Variants in CACNA1C observed in about 807,000 individuals in gnomAD.
CACNA1C encodes the protein calcium voltage-gated channel subunit alpha1 C.
A neutral mutation model predicts 229.0 loss-of-function variants in CACNA1C; 30 were observed. The ratio of observed to expected loss-of-function variants is 0.13; its 90% confidence interval spans 0.10 to 0.18. The LOEUF (loss-of-function observed/expected upper bound fraction) is 0.18, where lower values mean the gene tolerates loss of function less well. Among genes scored for constraint, CACNA1C ranks in the 10% least tolerant of loss-of-function variants. The pLI, the probability that CACNA1C is intolerant of heterozygous loss-of-function variation, is 1.00. For missense variants in CACNA1C, 1,658 were observed against 2,845.0 expected (o/e 0.58, Z 9.49); for synonymous variants, 1,114 against 1,132.5 (o/e 0.98, Z 0.33).
intron 9 of CACNA1C, chr12:2,547,510 C>T: frequency 1.3e-6 from 1 of 779,738 alleles, no homozygotes; most frequent in Non-Finnish European, 2.4e-6. Context: ...TTTAGTCACT[C>T]CACAGAAACC....
intron 3 of CACNA1C, among the ~76,000 whole-genome samples, chr12:2,372,809 C>T (rs2097907125): frequency 2.0e-5 from 3 of 152,250 alleles, no homozygotes; most frequent in Admixed American, 2.0e-4. Flanking sequence ...GGTGAGAAGT[C>T]CTGTCAGCCT....
intron 3 of CACNA1C, among the ~76,000 whole-genome samples, chr12:2,398,292 A>G (rs1217837996): frequency 6.6e-6 from 1 of 152,250 alleles, no homozygotes; most frequent in African/African-American, 2.4e-5. Flanking sequence ...CTACCAGGCC[A>G]AGAAAATTGT....
At chr12:2,174,204 G>C (rs7973315) in intron 3 of CACNA1C, among the ~76,000 whole-genome samples, 1 of 152,086 alleles carries the variant, frequency 6.6e-6, no homozygotes, top group East Asian at 1.9e-4. Context: ...AGGGCTCTCA[G>C]GCAAGAGAGA....
At chr12:2,004,292 G>T in intron 1 of CACNA1C, 1 of 1,613,156 alleles carries the variant, frequency 6.2e-7, no homozygotes. Flanking sequence ...CCACTCGTTG[G>T]CCCGATGGCC....
At chr12:2,480,554 C>T (rs930130335) in intron 5 of CACNA1C, among the ~76,000 whole-genome samples, 7 of 152,212 alleles carry the variant, frequency 4.6e-5, no homozygotes, top group Admixed American at 1.3e-4. Flanking sequence ...AAGCATGGCT[C>T]ATGGCCTGTA....
intron 1 of CACNA1C, among the ~76,000 whole-genome samples, chr12:1,978,138 C>T (rs2035004295): frequency 2.6e-5 from 4 of 152,140 alleles, no homozygotes; most frequent in Admixed American, 2.0e-4. Flanking sequence ...AATCTTGCTT[C>T]TCTGACCATG....
chr12:2,404,503 C>T (rs888913000), intron 3 of CACNA1C, among the ~76,000 whole-genome samples: 2 of 152,086 alleles, frequency 1.3e-5, no homozygotes, highest in Admixed American at 6.5e-5. Flanking sequence ...GACATTCAAC[C>T]GTATACAATC....
At chr12:2,125,996 C>T (rs2089864708) in intron 3 of CACNA1C, among the ~76,000 whole-genome samples, 2 of 152,272 alleles carry the variant, frequency 1.3e-5, no homozygotes, top group Non-Finnish European at 2.9e-5. Context: ...CTCCTGCTCT[C>T]AGATTCCCTC....
intron 1 of CACNA1C, among the ~76,000 whole-genome samples, chr12:2,045,503 C>T (rs955021857): frequency 3.3e-4 from 50 of 152,152 alleles, no homozygotes; most frequent in African/African-American, 1.2e-3. Context: ...ATTAAATAGC[C>T]GAGGGTGATT....
intron 3 of CACNA1C, among the ~76,000 whole-genome samples, chr12:2,364,616 C>T (rs2097674145): frequency 6.6e-6 from 1 of 152,176 alleles, no homozygotes; most frequent in African/African-American, 2.4e-5. Flanking sequence ...ACACTCTTGC[C>T]ATGGGCTGCT....
chr12:2,116,371 C>CTTT (rs869196313), intron 2 of CACNA1C, among the ~76,000 whole-genome samples: 1 of 136,812 alleles, frequency 7.3e-6, no homozygotes, highest in Non-Finnish European at 1.6e-5. Flanking sequence ...TTGGGAAGGA[C>CTTT]TTTTTTTTTT....
intron 18 of CACNA1C, among the ~76,000 whole-genome samples, chr12:2,587,604 T>TAA (rs936229743): frequency 2.0e-5 from 3 of 151,008 alleles, no homozygotes; most frequent in African/African-American, 7.3e-5. Flanking sequence ...ATGTTAATTT[T>TAA]AAAAAAAAAG....
At chr12:2,318,916 G>A (rs1408777222) in intron 3 of CACNA1C, among the ~76,000 whole-genome samples, 2 of 151,634 alleles carry the variant, frequency 1.3e-5, no homozygotes, top group East Asian at 3.9e-4. Flanking sequence ...AGAAGGAGAG[G>A]GAGGAGAGCA....
At chr12:2,172,879 G>A (rs1344772644) in intron 3 of CACNA1C, among the ~76,000 whole-genome samples, 1 of 152,254 alleles carries the variant, frequency 6.6e-6, no homozygotes, top group African/African-American at 2.4e-5. Context: ...AGACTGGCCA[G>A]CCTTGGCTGG....
intron 3 of CACNA1C, among the ~76,000 whole-genome samples, chr12:2,411,193 G>A (rs1427071954): frequency 6.6e-6 from 1 of 152,066 alleles, no homozygotes; most frequent in Admixed American, 6.5e-5. Context: ...CTCACCACTC[G>A]AGCGGGGAAG....
In CACNA1C at chr12:2,152,567, G is replaced by A. The variant is rs1419716885; in HGVS notation, c.477+32137G>A. Among the ~76,000 whole-genome samples the A allele has an allele frequency of 6.6e-6, 1 of 152,184 alleles. No individual in the cohort carries two copies. The highest frequency in any genetic ancestry group is 1.5e-5 in the Non-Finnish European group (1 of 68,036). ...GGAGGGCTTCCATGGGAGAGAGGAA[G>A]TAAATGTCTCTCATGGGGAATCCCT... is the stretch of plus-strand genomic sequence containing the variant. On this transcript the variant is annotated intron_variant, in intron 3 of 46. Transcript: ENST00000399655. This position sits in a 1 kb window ranked among gnomAD's most constrained non-coding sequence, Gnocchi z 4.2.
At position 2,557,036 on chromosome 12, in the gene CACNA1C, C is replaced by G. The variant is rs1380445171; in HGVS notation, c.1508+59C>G. 2.7e-6 allele frequency: 4 copies of G among 1,480,904 alleles called. No homozygotes were observed. The African/African-American group carries it at 4.2e-5, about 15-fold the overall frequency. The allele number at this position is 1,480,904 out of a possible 1,614,324, so 91.7% of individuals were successfully genotyped here. On this transcript the variant is annotated intron_variant, in intron 11 of 46. Transcript: ENST00000399655. ...TGCCACCAGCTCTGTCTTCAGCCAC[C>G]CTGTTGGGTGGCCCAAGGTAATACC...
chr12:2,110,949 C>CGAGAGGCCACACCTGTCTCACCT (rs2081445175), intron 1 of CACNA1C, among the ~76,000 whole-genome samples: 1 of 149,324 alleles, frequency 6.7e-6, no homozygotes, highest in African/African-American at 2.5e-5. Flanking sequence ...CTGTCTCACC[C>CGAGAGGCCACACCTGTCTCACCT]GAGAGGCCAC....
rs560759989 is a variant in CACNA1C, at chr12:2,578,120, G to T, written c.1896-3470G>T. Reference sequence around the variant, plus strand: ...CCTGACCTCGTGATCCGCCCGCCTCGGCCTCCCAAAGTGCTGGGATTACAG... The same window carrying T: ...CCTGACCTCGTGATCCGCCCGCCTCTGCCTCCCAAAGTGCTGGGATTACAG... On this transcript the variant is annotated intron_variant, in intron 13 of 46. Transcript: ENST00000399655. Among the ~76,000 whole-genome samples the T allele has an allele frequency of 3.3e-5, 5 of 152,136 alleles. No homozygotes were observed. In the South Asian group the frequency reaches 1.0e-3, roughly 32 times the overall value.
Sources: gnomAD v4.1 joint callset for allele counts (sites outside exome capture counted in the v4.1 genomes callset) on GRCh38, gnomAD v4.1.1 for gene constraint, Gnocchi (gnomAD v3.1) non-coding constraint, MANE v1.5 for transcripts, NCBI Gene and HGNC (gene_info 2026-07-23, HGNC 2026-07-21) for gene names.